Variants in ASAP1 observed in about 807,000 individuals in gnomAD.
ASAP1 encodes ArfGAP with SH3 domain, ankyrin repeat and PH domain 1, also known as arf-GAP with SH3 domain, ANK repeat and PH domain-containing protein 1.
In ASAP1, 43 loss-of-function variants were observed where a neutral mutation model predicts 145.2. The observed-to-expected ratio is 0.30, with a 90% CI of 0.23 to 0.38. ASAP1 has a LOEUF of 0.38. Among genes scored for constraint, ASAP1 ranks in the 10% least tolerant of loss-of-function variants. The probability of loss-of-function intolerance (pLI) is 1.00; values close to 1 mark genes in which losing one functional copy is unlikely to be tolerated. For synonymous variants in ASAP1, 546 were observed against 515.5 expected (o/e 1.06, Z -0.80); for missense variants, 1,018 against 1,355.3 (o/e 0.75, Z 3.91).
At chr8:130,093,206 C>T (rs563861260) in intron 24 of ASAP1, among the ~76,000 whole-genome samples, 20 of 152,074 alleles carry the variant, frequency 1.3e-4, no homozygotes, top group Non-Finnish European at 2.2e-4. Flanking sequence ...TTTTTAAAAG[C>T]TGTTAAGGGA....
intron 13 of ASAP1, among the ~76,000 whole-genome samples, chr8:130,144,195 A>G (rs561981832): frequency 6.6e-6 from 1 of 152,350 alleles, no homozygotes; most frequent in African/African-American, 2.4e-5. Context: ...AAATTAAGGT[A>G]CATGCTGAAC....
At chr8:130,284,880 C>T (rs1565171556) in intron 3 of ASAP1, among the ~76,000 whole-genome samples, 1 of 143,170 alleles carries the variant, frequency 7.0e-6, no homozygotes, top group Non-Finnish European at 1.5e-5. Flanking sequence ...CACACACACA[C>T]CATACTGAGA....
At chr8:130,261,275 G>C (rs1819880081) in intron 3 of ASAP1, among the ~76,000 whole-genome samples, 1 of 152,206 alleles carries the variant, frequency 6.6e-6, no homozygotes, top group Non-Finnish European at 1.5e-5. Flanking sequence ...TTACTTTGGT[G>C]CTCAAATGAA....
chr8:130,279,339 GCCAGATCCATGGCTGTCCCACA>G (rs1459638121), intron 3 of ASAP1, among the ~76,000 whole-genome samples: 66 of 152,266 alleles, frequency 4.3e-4, no homozygotes, highest in African/African-American at 1.4e-3. Context: ...CTGCTTCTCT[GCCAGATCCATGGCTGTCCCACA>G]TGGAGTCTTG....
chr8:130,230,974 A>G (rs1441727289), intron 4 of ASAP1, among the ~76,000 whole-genome samples: 1 of 152,184 alleles, frequency 6.6e-6, no homozygotes, highest in Non-Finnish European at 1.5e-5. Context: ...CTGAATTCAC[A>G]CTATACCTTC....
chr8:130,297,921 T>C (rs549011288), intron 3 of ASAP1, among the ~76,000 whole-genome samples: 7 of 152,290 alleles, frequency 4.6e-5, no homozygotes, highest in African/African-American at 1.2e-4. Flanking sequence ...TGTAGCTAAA[T>C]TGGCCAGAGA....
intron 1 of ASAP1, among the ~76,000 whole-genome samples, chr8:130,409,988 T>C (rs549113575): frequency 2.6e-5 from 4 of 152,246 alleles, no homozygotes; most frequent in African/African-American, 9.6e-5. Context: ...GGATGAATGG[T>C]TGTCAGTGAT....
chr8:130,064,787 T>C (rs1286037639), intron 27 of ASAP1, among the ~76,000 whole-genome samples: 2 of 152,162 alleles, frequency 1.3e-5, no homozygotes, highest in African/African-American at 2.4e-5. Context: ...TCTGACCAGT[T>C]GGCTTCAACT....
At chr8:130,149,952 G>A (rs1382263731) in intron 13 of ASAP1, among the ~76,000 whole-genome samples, 4 of 152,190 alleles carry the variant, frequency 2.6e-5, no homozygotes, top group Non-Finnish European at 1.5e-5. Context: ...TTTCCCTCCA[G>A]GCTGCTCTGG....
chr8:130,059,455 GCACCCAGCCC>G (rs2097412787), intron 28 of ASAP1, among the ~76,000 whole-genome samples: 1 of 152,054 alleles, frequency 6.6e-6, no homozygotes, highest in African/African-American at 2.4e-5. Context: ...GTGAGCCACT[GCACCCAGCCC>G]CATTTTAATT....
At position 130,214,591 on chromosome 8, in the gene ASAP1, G is replaced by T. The variant is rs11557146; in HGVS notation, c.370C>A (p.Leu124Ile). The change falls in exon 5 of 30, where the codon CTT (leucine) becomes ATT (isoleucine). Residue 124 changes from leucine (L) to isoleucine (I), a missense_variant. Physicochemically the swap from Leu to Ile is conservative, Grantham distance 5 (BLOSUM62 2). Around this residue, in one of 9 missense-constraint regions of ASAP1, gnomAD observed 78 missense variants for 161.0 expected, o/e 0.48. Coordinates refer to ENST00000518721, the MANE Select transcript of ASAP1 (RefSeq NM_018482.4). The part of the protein sequence containing the change: ...LGTAFVKFST[L>I]TKELSTLLKN... ...AGCAGTGTGGACAGTTCCTTTGTAA[G>T]AGTAGAAAACTTGACAAACGCGGTG... is the stretch of plus-strand genomic sequence containing the variant. 6 of 1,612,302 alleles carry T rather than the reference G, an allele frequency of 3.7e-6. No individual in the cohort carries two copies. The highest frequency in any genetic ancestry group is 5.1e-6 in the Non-Finnish European group (6 of 1,179,490).
chr8:130,118,756 G>T (rs370266431), intron 18 of ASAP1, 81 bp from the exon 19 acceptor site: 6 of 1,069,794 alleles, frequency 5.6e-6, no homozygotes, highest in East Asian at 2.7e-5. Flanking sequence ...ATTTCTCTTT[G>T]AGAAGTTATT....
In ASAP1 at chr8:130,308,557, T is replaced by C. The variant is rs16904245; in HGVS notation, c.186+49460A>G. 2.8e-3 allele frequency among the ~76,000 whole-genome samples: 424 copies of C among 152,324 alleles called. 14 individuals carry two copies. In the East Asian group the frequency reaches 0.055, roughly 20 times the overall value. On this transcript the variant is annotated intron_variant, in intron 3 of 29. Transcript: ENST00000518721. ...ACAATAGTTTATAGTCAAATTAACA[T>C]TAGCATCAAGGAAGAAAGCAATTAA...
chr8:130,180,264 GTGTTCA>G (rs1490961324), intron 8 of ASAP1, among the ~76,000 whole-genome samples: 4 of 152,196 alleles, frequency 2.6e-5, no homozygotes, highest in Non-Finnish European at 5.9e-5. Flanking sequence ...AGGTCAAGAA[GTGTTCA>G]TGTTCAATTG....
At position 130,089,727 on chromosome 8, in the gene ASAP1, C is replaced by T. The variant is rs572510520; in HGVS notation, c.2572+2246G>A. 3.3e-5 allele frequency among the ~76,000 whole-genome samples: 5 copies of T among 152,172 alleles called. No individual in the cohort carries two copies. In the South Asian group the frequency reaches 8.3e-4, roughly 25 times the overall value. On this transcript the variant is annotated intron_variant, in intron 25 of 29. Coordinates refer to ENST00000518721, the MANE Select transcript of ASAP1 (RefSeq NM_018482.4). ...TAACCTTTCTAAGGAGAAGTCCAGC[C>T]GTGTATGAATGCACCCACACATACA...
intron 13 of ASAP1, among the ~76,000 whole-genome samples, chr8:130,141,384 C>T (rs1448090459): frequency 1.3e-5 from 2 of 152,116 alleles, no homozygotes; most frequent in Non-Finnish European, 2.9e-5. Context: ...TGCAGGCCCT[C>T]GGAGAGCTCC....
chr8:130,307,999 G>T (rs569078508), intron 3 of ASAP1, among the ~76,000 whole-genome samples: 1 of 152,194 alleles, frequency 6.6e-6, no homozygotes, highest in Non-Finnish European at 1.5e-5. Context: ...TCCTGACATA[G>T]AATTAATTTA....
intron 3 of ASAP1, among the ~76,000 whole-genome samples, chr8:130,321,512 A>G (rs1302671309): frequency 6.6e-6 from 1 of 152,150 alleles, no homozygotes; most frequent in Non-Finnish European, 1.5e-5. Context: ...TGTACTTACT[A>G]GATGGAAATC....
At chr8:130,224,617 T>A (rs569951737) in intron 4 of ASAP1, among the ~76,000 whole-genome samples, 2 of 152,272 alleles carry the variant, frequency 1.3e-5, no homozygotes, top group South Asian at 4.1e-4. Context: ...AAATGGGATA[T>A]TACATACGAC....
Sources: allele counts gnomAD v4.1 joint callset (sites outside exome capture counted in the v4.1 genomes callset), GRCh38; gene constraint gnomAD v4.1.1; regional missense constraint gnomAD v4.1.1; transcripts MANE v1.5; gene names NCBI Gene and HGNC (gene_info 2026-07-23, HGNC 2026-07-21).